The following VAMP8 variants were observed in gnomAD, a reference collection of about 807,000 sequenced individuals.
VAMP8 encodes vesicle-associated membrane protein 8.
Under a neutral mutation model 11.4 loss-of-function variants are expected in VAMP8, and 9 were observed. The ratio of observed to expected loss-of-function variants is 0.79; its 90% CI spans 0.48 to 1.38. The LOEUF (loss-of-function observed/expected upper bound fraction) is 1.38. Ranked by LOEUF, VAMP8 falls within the 40% of genes most tolerant of loss-of-function variation. VAMP8 has a pLI of 0.00. For synonymous variants in VAMP8, 42 were observed against 44.7 expected (o/e 0.94, Z 0.24); for missense variants, 108 against 127.8 (o/e 0.85, Z 0.75).
chr2:85,581,455 G>C (rs530711145), intron 2 of VAMP8, 121 bp from the exon 3 acceptor site: 1 of 1,265,698 alleles, frequency 7.9e-7, no homozygotes. Context: ...CTGAGTGACA[G>C]AGCGAGACTC....
rs547111500 is a variant in VAMP8 at position 85,579,121 on chromosome 2, A to G, written c.116A>G (p.Glu39Gly). 3.1e-5 allele frequency: 50 copies of G among 1,608,018 alleles called. No individual in the cohort carries two copies. Among genetic ancestry groups the G allele is most frequent in the African/African-American group, 2.9e-4 (22 of 74,852 alleles). The change falls in exon 2 of 3, where the codon GAA becomes GGA. Residue 39 changes from glutamate to glycine, a missense_variant. Transcript: ENST00000263864. Reference protein sequence around the residue: ...QNVERILARGENLEHLRNKTE... With the variant: ...QNVERILARGGNLEHLRNKTE... ...GTGGAGCGGATCCTGGCCCGGGGGG[A>G]AAACTTGGAACATCTCCGCAACAAG...
chr2:85,581,803 C>G lies in VAMP8; in HGVS notation c.*87C>G. 6.4e-7 allele frequency: 1 copy of G among 1,557,712 alleles called. No homozygotes were observed. Among genetic ancestry groups the G allele is most frequent in the South Asian group, 1.2e-5 (1 of 84,846 alleles). The stretch of plus-strand genomic sequence containing the variant: ...CAAGAGGGTCTCCTTTCCTGTCTTC[C>G]TCTACAGAGAATGCTGCTCGGTCCT... On this transcript the variant is annotated 3_prime_UTR_variant, in exon 3 of 3. Transcript: ENST00000263864.
rs1263044642 is a variant in VAMP8, at chr2:85,581,657, G to A, written c.244G>A (p.Val82Met). ...CGTGAAGATGATTGTCCTTATCTGC[G>A]TGATTGTTTTTATCATCATCCTCTT... is the stretch of plus-strand genomic sequence containing the variant. ...KNVKMIVLIC[V>M]IVFIIILFIV... Residue 82 changes from valine to methionine, a missense_variant, in exon 3 of 3, where the codon GTG becomes ATG. Val to Met is a conservative substitution (Grantham distance 21). Coordinates refer to ENST00000263864, the MANE Select transcript of VAMP8 (RefSeq NM_003761.5). The A allele has an allele frequency of 5.9e-5, 96 of 1,614,040 alleles. No homozygotes were observed. Among genetic ancestry groups the A allele is most frequent in the Non-Finnish European group, 8.1e-5 (96 of 1,180,048 alleles).
At chr2:85,580,011 G>A (rs1184132406) in intron 2 of VAMP8, 4 of 1,356,350 alleles carry the variant, frequency 2.9e-6, no homozygotes, top group Non-Finnish European at 3.9e-6. Context: ...GTTAGAGTGA[G>A]TGCAATCTTG....
chr2:85,579,493 G>A (rs1386207730), intron 2 of VAMP8, among the ~76,000 whole-genome samples: 1 of 152,200 alleles, frequency 6.6e-6, no homozygotes, highest in Non-Finnish European at 1.5e-5. Context: ...GCCTGCCCAT[G>A]ACAATCATCT....
intron 2 of VAMP8, chr2:85,579,670 T>G: frequency 6.6e-7 from 1 of 1,516,860 alleles, no homozygotes; most frequent in Non-Finnish European, 8.9e-7. Flanking sequence ...GATCCCAGGG[T>G]CCCCTGCTAG....
rs1187248918 is a variant in VAMP8 at position 85,581,598 on chromosome 2, C to G, written c.185C>G (p.Ser62Trp). The G allele has an allele frequency of 6.2e-7, 1 of 1,614,000 alleles. No homozygotes were observed. The highest frequency in any genetic ancestry group is 1.3e-5 in the African/African-American group (1 of 74,906). ...EATSEHFKTTSQKVARKFWWK... is the reference protein window; with the variant it reads ...EATSEHFKTTWQKVARKFWWK... ...CAGTCTGAGCACTTCAAGACGACAT[C>G]GCAGAAGGTGGCTCGAAAATTCTGG... Residue 62 changes from serine to tryptophan, a missense_variant, in exon 3 of 3, where the codon TCG becomes TGG. Ser to Trp is a radical substitution (Grantham distance 177). Coordinates refer to ENST00000263864, the MANE Select transcript of VAMP8 (RefSeq NM_003761.5).
Position 85,581,785 on chromosome 2 carries a change from G to A in VAMP8, c.*69G>A, listed in dbSNP as rs1248355940. 6.3e-7 allele frequency: 1 copy of A among 1,593,134 alleles called. No homozygotes were observed. The highest frequency in any genetic ancestry group is 1.3e-5 in the African/African-American group (1 of 74,370). On this transcript the variant is annotated 3_prime_UTR_variant, in exon 3 of 3. Coordinates refer to ENST00000263864, the MANE Select transcript of VAMP8 (RefSeq NM_003761.5). ...CCCTCCATAAATGTGTGCCAAGAGG[G>A]TCTCCTTTCCTGTCTTCCTCTACAG...
intron 1 of VAMP8, 26 bp downstream of exon 1, chr2:85,577,675 G>T: frequency 6.4e-7 from 1 of 1,552,024 alleles, no homozygotes; most frequent in South Asian, 1.2e-5. Context: ...ACTAGGAAAG[G>T]GCTGGTTTAA....
rs569707837 is a variant in VAMP8 at position 85,578,179 on chromosome 2, G to T, written c.3+530G>T. ...AGAGAACCAGAAGTTGGTTCTCTGTGATAATGTAGTTCTGACCCATGCCAC... is the reference window on the plus strand; with the variant it reads ...AGAGAACCAGAAGTTGGTTCTCTGTTATAATGTAGTTCTGACCCATGCCAC... On this transcript the variant is annotated intron_variant, in intron 1 of 2. Coordinates refer to ENST00000263864, the MANE Select transcript of VAMP8 (RefSeq NM_003761.5). Among the ~76,000 whole-genome samples, 118 of 152,354 alleles carry T rather than the reference G, an allele frequency of 7.7e-4. 1 individual carries two copies. The highest frequency in any genetic ancestry group is 2.7e-3 in the African/African-American group (114 of 41,584).
At chr2:85,580,659 A>ATTTTTT (rs372301674) in intron 2 of VAMP8, among the ~76,000 whole-genome samples, 60 of 104,568 alleles carry the variant, frequency 5.7e-4, no homozygotes, top group East Asian at 9.2e-4. Flanking sequence ...CAGATACAGC[A>ATTTTTT]TTTTTTTTTT....
chr2:85,578,070 A>G (rs1672309904), intron 1 of VAMP8, among the ~76,000 whole-genome samples: 1 of 152,174 alleles, frequency 6.6e-6, no homozygotes, highest in African/African-American at 2.4e-5. Flanking sequence ...ATCCCCACAC[A>G]GAAACACAAA....
intron 1 of VAMP8, 69 bp from the exon 2 acceptor site, chr2:85,578,940 C>T: frequency 1.3e-6 from 2 of 1,543,872 alleles, no homozygotes; most frequent in South Asian, 2.4e-5. Flanking sequence ...CTTACCCTCC[C>T]CAGATCTCTG....
intron 2 of VAMP8, chr2:85,579,870 C>G (rs1293842537): frequency 6.5e-7 from 1 of 1,550,298 alleles, no homozygotes; most frequent in South Asian, 1.2e-5. Context: ...ACTCTTGGCT[C>G]TTGGGTATTG....
At chr2:85,581,552 C>G (rs1305674670) in intron 2 of VAMP8, 24 bp from the exon 3 acceptor site, 1 of 1,613,572 alleles carries the variant, frequency 6.2e-7, no homozygotes, top group Admixed American at 1.7e-5. Context: ...CACTGGGTCA[C>G]TCACTCTGCC....
At chr2:85,580,694 T>G (rs1672361801) in intron 2 of VAMP8, among the ~76,000 whole-genome samples, 1 of 129,370 alleles carries the variant, frequency 7.7e-6, no homozygotes, top group Admixed American at 8.6e-5. Context: ...TGAGATGGAG[T>G]CTTGCTTTGT....
Position 85,581,770 on chromosome 2 carries a change from A to T in VAMP8, c.*54A>T. ...TCTCTTCAGGGACAACCCTCCATAA[A>T]TGTGTGCCAAGAGGGTCTCCTTTCC... On this transcript the variant is annotated 3_prime_UTR_variant, in exon 3 of 3. Coordinates refer to ENST00000263864, the MANE Select transcript of VAMP8 (RefSeq NM_003761.5). The T allele has an allele frequency of 6.2e-7, 1 of 1,605,950 alleles. No individual in the cohort carries two copies. The highest frequency in any genetic ancestry group is 1.3e-5 in the African/African-American group (1 of 74,808).
rs1672302391 is a variant in VAMP8, at chr2:85,577,630, C to T, written c.-17C>T. On this transcript the variant is annotated 5_prime_UTR_variant, in exon 1 of 3. Transcript: ENST00000263864. The stretch of plus-strand genomic sequence containing the variant: ...TAGGCGAATTCACTTACTGACCGGC[C>T]TGGGCTGCTCTGAGACATGGTGAGC... The T allele has an allele frequency of 6.4e-6, 10 of 1,551,962 alleles. No individual in the cohort carries two copies. The highest frequency in any genetic ancestry group is 7.0e-6 in the Non-Finnish European group (8 of 1,147,348).
intron 2 of VAMP8, chr2:85,579,685 AG>A (rs1672336953): frequency 6.5e-7 from 1 of 1,529,354 alleles, no homozygotes; most frequent in Non-Finnish European, 8.8e-7. Context: ...TGCTAGATGA[AG>A]GCTAAAATAA....
Sources: allele counts gnomAD v4.1 joint callset (sites outside exome capture counted in the v4.1 genomes callset), GRCh38; gene constraint gnomAD v4.1.1; transcripts MANE v1.5; gene names NCBI Gene and HGNC (gene_info 2026-07-23, HGNC 2026-07-21).